Variants in TMEM132C observed in about 807,000 individuals in gnomAD.
TMEM132C encodes protein phosphatase 1, regulatory subunit 152.
Under a neutral mutation model 61.4 loss-of-function variants are expected in TMEM132C, and 29 were observed. That is an observed-to-expected ratio of 0.47 (90% CI 0.35 to 0.64). The LOEUF (loss-of-function observed/expected upper bound fraction) is 0.64, where lower values mean the gene tolerates loss of function less well. Ranked by LOEUF, TMEM132C falls within the 30% of genes least tolerant of loss-of-function variation. TMEM132C has a pLI of 0.00. For missense variants in TMEM132C, 1,408 were observed against 1,476.9 expected (o/e 0.95, Z 0.76); for synonymous variants, 656 against 633.1 (o/e 1.04, Z -0.54).
rs555941595 is a variant in TMEM132C at position 128,415,190 on chromosome 12, C to T, written c.544C>T (p.Arg182Trp). ...VFAFRETREV[R>W]GSCRLKGDLG... The stretch of plus-strand genomic sequence containing the variant: ...TGCTTTCCGAGAAACCAGAGAGGTG[C>T]GGGGCAGCTGCCGGCTGAAGGGGGA... The change falls in exon 2 of 9, where the codon CGG becomes TGG. Residue 182 changes from arginine (R) to tryptophan (W), a missense_variant. By Grantham distance (101) the Arg-to-Trp change is moderately radical. Coordinates refer to ENST00000435159, the MANE Select transcript of TMEM132C (RefSeq NM_001136103.3). This position sits in a 1 kb window ranked among gnomAD's most constrained non-coding sequence, Gnocchi z 5.8. The T allele has an allele frequency of 1.3e-5, 21 of 1,610,548 alleles. No individual in the cohort carries two copies. The East Asian group carries it at 1.3e-4, about 10-fold the overall frequency.
At chr12:128,534,999 A>G (rs1873465960) in intron 2 of TMEM132C, among the ~76,000 whole-genome samples, 1 of 152,210 alleles carries the variant, frequency 6.6e-6, no homozygotes, top group African/African-American at 2.4e-5. Flanking sequence ...TCACATTGCA[A>G]GAGGCATTTA....
intron 2 of TMEM132C, among the ~76,000 whole-genome samples, chr12:128,508,782 T>G (rs972839761): frequency 6.6e-6 from 1 of 152,194 alleles, no homozygotes; most frequent in Non-Finnish European, 1.5e-5. Context: ...ACACCCGTGC[T>G]CCCTCCAGCT....
Position 128,694,047 on chromosome 12 carries a change from TG to T in TMEM132C, c.1655+17del. On this transcript the variant is annotated intron_variant, in intron 6 of 8. Transcript: ENST00000435159. ...TGACCAATAAGAGGTGAGCCTCGGA[TG>T]GGGAGATGCCCTAGAGCCAAAACAA... The T allele has an allele frequency of 1.9e-6, 3 of 1,551,216 alleles. No homozygotes were observed. The highest frequency in any genetic ancestry group is 2.6e-6 in the Non-Finnish European group (3 of 1,146,748).
At chr12:128,493,351 A>G (rs1871817932) in intron 2 of TMEM132C, among the ~76,000 whole-genome samples, 2 of 152,208 alleles carry the variant, frequency 1.3e-5, no homozygotes, top group South Asian at 4.1e-4. Flanking sequence ...TTGGTTCCAT[A>G]TGAACTTTAA....
intron 3 of TMEM132C, among the ~76,000 whole-genome samples, chr12:128,609,290 G>GCATCCCTGCAACACTGTAA (rs1555235807): frequency 1.7e-5 from 1 of 58,064 alleles, no homozygotes; most frequent in African/African-American, 8.7e-5. Flanking sequence ...CAACACTGTA[G>GCATCCCTGCAACACTGTAA]CCCCCGCCTC....
intron 3 of TMEM132C, among the ~76,000 whole-genome samples, chr12:128,595,517 C>A (rs1197975544): frequency 6.6e-6 from 1 of 152,156 alleles, no homozygotes; most frequent in Admixed American, 6.5e-5. Flanking sequence ...CCAGGTGTAT[C>A]AGTTGCAAAA....
chr12:128,667,096 T>A (rs1954485691), intron 4 of TMEM132C, among the ~76,000 whole-genome samples: 1 of 152,070 alleles, frequency 6.6e-6, no homozygotes, highest in Non-Finnish European at 1.5e-5. Context: ...CAGATATAGA[T>A]AGAGATAGAG....
rs147696215 is a variant in TMEM132C, at chr12:128,466,978, C to T, written c.974+51358C>T. Among the ~76,000 whole-genome samples the T allele has an allele frequency of 4.7e-4, 71 of 152,266 alleles. No individual in the cohort carries two copies. In the East Asian group the frequency reaches 0.011, roughly 24 times the overall value. ...TAAAGACTTTGCCGAGCTTTTGAGC[C>T]AGCACTTGTGGAAGGAGTAGGATTT... is the stretch of plus-strand genomic sequence containing the variant. On this transcript the variant is annotated intron_variant, in intron 2 of 8. Transcript: ENST00000435159.
intron 4 of TMEM132C, among the ~76,000 whole-genome samples, chr12:128,638,923 A>G (rs141355134): frequency 4.5e-5 from 5 of 111,560 alleles, no homozygotes; most frequent in East Asian, 2.8e-4. Flanking sequence ...GATGGTGGTG[A>G]TGGTGATGGT....
intron 2 of TMEM132C, among the ~76,000 whole-genome samples, chr12:128,494,938 G>A (rs1871888342): frequency 6.7e-6 from 1 of 150,052 alleles, no homozygotes; most frequent in African/African-American, 2.5e-5. Flanking sequence ...TGTGATGTTT[G>A]GGTGTCAATT....
chr12:128,621,234 C>G (rs1420643147), intron 4 of TMEM132C, among the ~76,000 whole-genome samples: 4 of 152,180 alleles, frequency 2.6e-5, no homozygotes, highest in African/African-American at 9.7e-5. Flanking sequence ...TATGCCCACC[C>G]TCCCAAGAAA....
intron 3 of TMEM132C, among the ~76,000 whole-genome samples, chr12:128,550,356 G>A (rs1019317139): frequency 5.3e-5 from 8 of 151,656 alleles, no homozygotes; most frequent in Non-Finnish European, 8.8e-5. Context: ...AGCCTGGGGT[G>A]CAGTGGTGTA....
chr12:128,482,882 C>T (rs1871359249), intron 2 of TMEM132C, among the ~76,000 whole-genome samples: 1 of 152,004 alleles, frequency 6.6e-6, no homozygotes, highest in Non-Finnish European at 1.5e-5. Context: ...CCAGCACATC[C>T]CTGGGTGAGT....
intron 2 of TMEM132C, among the ~76,000 whole-genome samples, chr12:128,536,884 C>T (rs1022564309): frequency 1.3e-5 from 2 of 152,294 alleles, no homozygotes; most frequent in African/African-American, 4.8e-5. Context: ...TAAAGGATTG[C>T]AGCCTGCCAG....
At chr12:128,433,324 G>A (rs377182994) in intron 2 of TMEM132C, among the ~76,000 whole-genome samples, 23 of 152,290 alleles carry the variant, frequency 1.5e-4, no homozygotes, top group African/African-American at 4.8e-4. Context: ...ACAAAAAGAC[G>A]ACTGTGTAAC....
chr12:128,597,333 C>G (rs1876006087), intron 3 of TMEM132C, among the ~76,000 whole-genome samples: 1 of 151,900 alleles, frequency 6.6e-6, no homozygotes, highest in Admixed American at 6.6e-5. Flanking sequence ...AAAAAATTAA[C>G]CGGGTATGGT....
At chr12:128,634,336 A>G (rs1045830490) in intron 4 of TMEM132C, among the ~76,000 whole-genome samples, 19 of 152,206 alleles carry the variant, frequency 1.2e-4, no homozygotes, top group African/African-American at 4.3e-4. Flanking sequence ...CAGCCTCCCA[A>G]AGTGCTGGGA....
chr12:128,416,024 T>A (rs932992474), intron 2 of TMEM132C, among the ~76,000 whole-genome samples: 22 of 152,108 alleles, frequency 1.4e-4, no homozygotes, highest in Non-Finnish European at 2.6e-4. Context: ...AGATGAGATC[T>A]CACTTTGGGT....
At chr12:128,482,385 A>G (rs950664773) in intron 2 of TMEM132C, among the ~76,000 whole-genome samples, 4 of 152,162 alleles carry the variant, frequency 2.6e-5, no homozygotes, top group Non-Finnish European at 5.9e-5. Flanking sequence ...CCAGTATTTT[A>G]TTGATGATTT....
Sources: gnomAD v4.1 joint callset for allele counts (sites outside exome capture counted in the v4.1 genomes callset) on GRCh38, gnomAD v4.1.1 for gene constraint, Gnocchi (gnomAD v3.1) non-coding constraint, MANE v1.5 for transcripts, NCBI Gene and HGNC (gene_info 2026-07-23, HGNC 2026-07-21) for gene names.